Variants in GBE1 observed in about 807,000 individuals in gnomAD.
GBE1 encodes 1,4-alpha-glucan branching enzyme 1.
In GBE1, 70 loss-of-function variants were observed where a neutral mutation model predicts 88.8. That is an observed-to-expected ratio of 0.79 (90% CI 0.65 to 0.96). GBE1 has a LOEUF of 0.96. GBE1 is among the 40% of genes least tolerant of loss of function. The pLI, the probability that GBE1 is intolerant of heterozygous loss-of-function variation, is 0.00. For missense variants in GBE1, 872 were observed against 871.0 expected, an observed-to-expected ratio of 1.00 and a Z score of -0.01; for synonymous variants, 284 against 300.1, an observed-to-expected ratio of 0.95 and a Z score of 0.56.
chr3:81,625,648 C>A (rs796952770), intron 7 of GBE1, among the ~76,000 whole-genome samples: 6 of 152,186 alleles, frequency 3.9e-5, no homozygotes, highest in African/African-American at 1.4e-4. Flanking sequence ...CGCTATGTTA[C>A]CTAGGGTGGT....
At chr3:81,659,308 A>G (rs1704988702) in intron 3 of GBE1, among the ~76,000 whole-genome samples, 1 of 151,954 alleles carries the variant, frequency 6.6e-6, no homozygotes. Flanking sequence ...AGAAAAAAAT[A>G]TGATTCCTAA....
chr3:81,701,057 C>A (rs1387257695), intron 2 of GBE1, among the ~76,000 whole-genome samples: 1 of 152,144 alleles, frequency 6.6e-6, no homozygotes, highest in African/African-American at 2.4e-5. Flanking sequence ...AGAACCAAAA[C>A]TCCAAGTGTA....
At chr3:81,593,037 T>C (rs1461108970) in intron 8 of GBE1, among the ~76,000 whole-genome samples, 1 of 151,788 alleles carries the variant, frequency 6.6e-6, no homozygotes, top group Non-Finnish European at 1.5e-5. Context: ...TTTTTTTCTG[T>C]TTATTGCTAG....
intron 14 of GBE1, chr3:81,509,626 G>C (rs577160678): frequency 1.3e-5 from 2 of 151,786 alleles, no homozygotes; most frequent in South Asian, 2.1e-4. Context: ...GCATTTGAGT[G>C]AGTGTCTTTT....
In GBE1 at chr3:81,750,659, G is replaced by GTA. The variant is rs1553696645; in HGVS notation, c.143+10714_143+10715dup. ...TATATATATATGTATATATATATAT[G>GTA]TATATATATATATACGTATATATAT... On this transcript the variant is annotated intron_variant, in intron 1 of 15. Transcript: ENST00000429644. Among the ~76,000 whole-genome samples the GTA allele has an allele frequency of 2.3e-3, 82 of 35,298 alleles. 14 individuals are homozygous for GTA. The highest frequency in any genetic ancestry group is 0.012 in the African/African-American group (56 of 4,662). The allele number at this position is 35,298 out of a possible 152,430, so 23.2% of individuals were successfully genotyped here. A position where few individuals can be genotyped will look rare whatever the true frequency, so the allele number is the denominator to read the frequency against.
intron 14 of GBE1, among the ~76,000 whole-genome samples, chr3:81,530,661 C>A (rs1702999530): frequency 6.6e-6 from 1 of 151,906 alleles, no homozygotes; most frequent in Non-Finnish European, 1.5e-5. Context: ...TTACTTTCCC[C>A]TAAACAAAGG....
chr3:81,524,314 C>A lies in GBE1; in HGVS notation c.1934+10881G>T, dbSNP rs114125100. On this transcript the variant is annotated intron_variant, in intron 14 of 15. Coordinates refer to ENST00000429644, the MANE Select transcript of GBE1 (RefSeq NM_000158.4). ...GTCTTCTTGAGATGTATATTCAGAT[C>A]TTCTGCCCATTTTTAAATAAGATTA... Among the ~76,000 whole-genome samples the A allele has an allele frequency of 9.1e-3, 1,387 of 151,940 alleles. 12 individuals are homozygous for A. Among genetic ancestry groups the A allele is most frequent in the Non-Finnish European group, 0.012 (786 of 67,856 alleles).
chr3:81,708,472 T>G (rs1387759581), intron 1 of GBE1, among the ~76,000 whole-genome samples: 2 of 152,112 alleles, frequency 1.3e-5, no homozygotes, highest in Non-Finnish European at 2.9e-5. Flanking sequence ...AACCTAAACT[T>G]CAAAATTCAA....
At chr3:81,508,793 T>C (rs1264790355) in intron 14 of GBE1, among the ~76,000 whole-genome samples, 2 of 152,144 alleles carry the variant, frequency 1.3e-5, no homozygotes, top group African/African-American at 4.8e-5. Flanking sequence ...CACTAAAATA[T>C]GGTGAGTATC....
intron 1 of GBE1, among the ~76,000 whole-genome samples, chr3:81,752,965 T>C (rs1466934187): frequency 6.6e-6 from 1 of 152,200 alleles, no homozygotes; most frequent in Non-Finnish European, 1.5e-5. Flanking sequence ...ATTATTTGTT[T>C]ACTGAGCATC....
intron 1 of GBE1, among the ~76,000 whole-genome samples, chr3:81,731,559 C>A (rs1706185848): frequency 6.6e-6 from 1 of 152,092 alleles, no homozygotes; most frequent in African/African-American, 2.4e-5. Context: ...TGTGTACCCA[C>A]CCAAATCTCA....
At chr3:81,757,429 A>C (rs1245386884) in intron 1 of GBE1, among the ~76,000 whole-genome samples, 1 of 152,236 alleles carries the variant, frequency 6.6e-6, no homozygotes, top group Non-Finnish European at 1.5e-5. Context: ...TGGAATGAAG[A>C]GGAGTGGAGA....
At position 81,589,432 on chromosome 3, in the gene GBE1, C is replaced by A. The variant is rs191498635; in HGVS notation, c.1236+1605G>T. Among the ~76,000 whole-genome samples the A allele has an allele frequency of 2.1e-4, 31 of 151,154 alleles. No homozygotes were observed. The East Asian group carries it at 6.0e-3, about 29-fold the overall frequency. ...ATCAATTCTACATTTGGAAGAGACT[C>A]CCGCTAGACAGAAAAGTGACGTATT... On this transcript the variant is annotated intron_variant, in intron 9 of 15. Coordinates refer to ENST00000429644, the MANE Select transcript of GBE1 (RefSeq NM_000158.4).
At chr3:81,740,766 GCACACACA>G (rs71633686) in intron 1 of GBE1, among the ~76,000 whole-genome samples, 3 of 149,192 alleles carry the variant, frequency 2.0e-5, no homozygotes, top group Non-Finnish European at 3.0e-5. Flanking sequence ...GTTAGAAAGT[GCACACACA>G]CACACACACA....
At chr3:81,646,244 T>C (rs779242714) in intron 6 of GBE1, 148 bp downstream of exon 6, 56 of 612,720 alleles carry the variant, frequency 9.1e-5, no homozygotes, top group South Asian at 2.2e-4. Flanking sequence ...AGAGAGTCTA[T>C]GACCTTAGTA....
At chr3:81,720,344 GTGTA>G (rs1442885974) in intron 1 of GBE1, among the ~76,000 whole-genome samples, 2 of 144,866 alleles carry the variant, frequency 1.4e-5, no homozygotes, top group African/African-American at 5.5e-5. Context: ...GTGTGTGTAT[GTGTA>G]TGTGTGTGTG....
At chr3:81,755,346 G>A (rs772125807) in intron 1 of GBE1, among the ~76,000 whole-genome samples, 17 of 151,948 alleles carry the variant, frequency 1.1e-4, no homozygotes, top group Non-Finnish European at 2.4e-4. Context: ...TGCAGAAAGG[G>A]AACACTCATA....
chr3:81,493,657 T>A (rs3103797), intron 15 of GBE1, among the ~76,000 whole-genome samples: 5 of 151,694 alleles, frequency 3.3e-5, no homozygotes, highest in Non-Finnish European at 5.9e-5. Flanking sequence ...CTCAGCCTCC[T>A]GAGTAGCTGG....
At chr3:81,757,266 G>A (rs1706615869) in intron 1 of GBE1, among the ~76,000 whole-genome samples, 1 of 152,160 alleles carries the variant, frequency 6.6e-6, no homozygotes, top group African/African-American at 2.4e-5. Context: ...AGGCTGAAAA[G>A]GTCAACAGGG....
Sources: gnomAD v4.1 joint callset for allele counts (sites outside exome capture counted in the v4.1 genomes callset) on GRCh38, gnomAD v4.1.1 for gene constraint, MANE v1.5 for transcripts, NCBI Gene and HGNC (gene_info 2026-07-23, HGNC 2026-07-21) for gene names.